The following RGS6 variants were observed in gnomAD, a reference collection of about 807,000 sequenced individuals.
RGS6 encodes the protein regulator of G-protein signaling 6.
A neutral mutation model predicts 78.5 loss-of-function variants in RGS6; 30 were observed. The observed-to-expected ratio is 0.38, with a 90% CI of 0.29 to 0.52. The LOEUF is 0.52. Among genes scored for constraint, RGS6 ranks in the 20% least tolerant of loss-of-function variants. The probability of loss-of-function intolerance (pLI) is 0.85; values close to 1 mark genes in which losing one functional copy is unlikely to be tolerated. For missense variants in RGS6, 495 were observed against 609.7 expected (o/e 0.81, Z 1.98); for synonymous variants, 206 against 206.0 (o/e 1.00, Z 0.00).
Position 72,248,035 on chromosome 14 carries a change from A to C in RGS6, c.85-104060A>C, listed in dbSNP as rs762950735. ...CTGAAGAACTATTAAGCATTCTCTCAGTTGTGTCAGTGAAAGCCATCTCTA... is the reference window on the plus strand; with the variant it reads ...CTGAAGAACTATTAAGCATTCTCTCCGTTGTGTCAGTGAAAGCCATCTCTA... On this transcript the variant is annotated intron_variant, in intron 2 of 17. Coordinates refer to ENST00000553525, the MANE Select transcript of RGS6 (RefSeq NM_001204424.2). Among the ~76,000 whole-genome samples, 6 of 152,218 alleles carry C rather than the reference A, an allele frequency of 3.9e-5. No individual in the cohort carries two copies. In the South Asian group the frequency reaches 1.2e-3, roughly 32 times the overall value.
chr14:72,392,424 C>T (rs936144441), intron 3 of RGS6, among the ~76,000 whole-genome samples: 3 of 152,058 alleles, frequency 2.0e-5, no homozygotes, highest in East Asian at 1.9e-4. Flanking sequence ...GGTCAGTTAT[C>T]GCTGCCTCTC....
chr14:72,149,383 A>G (rs1488732306), intron 2 of RGS6, among the ~76,000 whole-genome samples: 1 of 152,160 alleles, frequency 6.6e-6, no homozygotes, highest in African/African-American at 2.4e-5. Flanking sequence ...GAATTTGACA[A>G]CATGTTTTAA....
At chr14:72,326,705 T>A (rs1462049602) in intron 2 of RGS6, among the ~76,000 whole-genome samples, 1 of 152,130 alleles carries the variant, frequency 6.6e-6, no homozygotes, top group African/African-American at 2.4e-5. Flanking sequence ...GTCTCAGGTA[T>A]TTTTTTCTTT....
chr14:72,555,396 C>T (rs187629525), intron 17 of RGS6, among the ~76,000 whole-genome samples: 2 of 152,258 alleles, frequency 1.3e-5, no homozygotes, highest in Non-Finnish European at 2.9e-5. Context: ...ATGGCACCTC[C>T]TTTCTCTCAG....
At chr14:71,879,499 A>G in the RGS6 span, among the ~76,000 whole-genome samples, 39 of 152,166 alleles carry the variant, frequency 2.6e-4, no homozygotes, top group Non-Finnish European at 4.7e-4. Flanking sequence ...TGTAGCTCCC[A>G]TAATTCCCAT....
chr14:72,386,292 A>G (rs1285678727), intron 3 of RGS6, among the ~76,000 whole-genome samples: 3 of 152,052 alleles, frequency 2.0e-5, no homozygotes, highest in African/African-American at 4.8e-5. Context: ...AATCCTAGCA[A>G]TTTGGGAGGC....
chr14:72,369,959 T>A (rs920295989), intron 3 of RGS6, among the ~76,000 whole-genome samples: 1 of 152,168 alleles, frequency 6.6e-6, no homozygotes, highest in Admixed American at 6.6e-5. Context: ...ATTGCTTTGA[T>A]TTTTTCAGAT....
rs148659127 is a variant in RGS6, at chr14:72,440,601, C to T, written c.185-13927C>T. ...CTAATTTTTGTATTTTTAGTATAGACGGGGTTTCACCATGTTGGCCAGGCT... is the reference window on the plus strand; with the variant it reads ...CTAATTTTTGTATTTTTAGTATAGATGGGGTTTCACCATGTTGGCCAGGCT... On this transcript the variant is annotated intron_variant, in intron 3 of 17. Coordinates refer to ENST00000553525, the MANE Select transcript of RGS6 (RefSeq NM_001204424.2). Among the ~76,000 whole-genome samples the T allele has an allele frequency of 8.6e-3, 1,304 of 151,812 alleles. 10 individuals are homozygous for T. Among genetic ancestry groups the T allele is most frequent in the Middle Eastern group, 0.037 (11 of 294 alleles).
chr14:72,142,391 A>G (rs1258920816), intron 2 of RGS6, among the ~76,000 whole-genome samples: 1 of 152,060 alleles, frequency 6.6e-6, no homozygotes, highest in Non-Finnish European at 1.5e-5. Flanking sequence ...ATGAATTATA[A>G]ATGAAAACTT....
chr14:71,895,940 A>T, the RGS6 span, among the ~76,000 whole-genome samples: 4 of 151,980 alleles, frequency 2.6e-5, no homozygotes, highest in African/African-American at 7.3e-5. Context: ...CTACTCTTTG[A>T]TTTCCAGTCT....
the RGS6 span, among the ~76,000 whole-genome samples, chr14:71,876,057 A>G: frequency 6.6e-6 from 1 of 152,218 alleles, no homozygotes; most frequent in Non-Finnish European, 1.5e-5. Context: ...GGAGTGCTTT[A>G]CTTCCAACTA....
intron 2 of RGS6, among the ~76,000 whole-genome samples, chr14:72,016,161 T>C (rs1203675919): frequency 6.6e-6 from 1 of 152,208 alleles, no homozygotes; most frequent in Admixed American, 6.5e-5. Flanking sequence ...TTCCTATACA[T>C]TCTTTTAAAG....
At chr14:72,032,230 A>C (rs186473631) in intron 2 of RGS6, among the ~76,000 whole-genome samples, 1 of 152,202 alleles carries the variant, frequency 6.6e-6, no homozygotes, top group Non-Finnish European at 1.5e-5. Flanking sequence ...TAAAACTACT[A>C]TTAAGGCTTT....
At chr14:72,606,515 C>G in the RGS6 span, among the ~76,000 whole-genome samples, 1 of 152,176 alleles carries the variant, frequency 6.6e-6, no homozygotes, top group African/African-American at 2.4e-5. Flanking sequence ...ACATCTTATC[C>G]CACTGGTCCC....
chr14:72,220,637 T>G (rs2046654501), intron 2 of RGS6, among the ~76,000 whole-genome samples: 1 of 152,202 alleles, frequency 6.6e-6, no homozygotes. Flanking sequence ...CTGTACTGGC[T>G]ACATGGAATT....
In RGS6 at chr14:72,108,625, T is replaced by A. The variant is rs560487009; in HGVS notation, c.84+143750T>A. ...TCTTTCTTAAGTTCTTTTGATTTTT[T>A]TAAAAAAATTTAATTTCCCCCTTCT... is the stretch of plus-strand genomic sequence containing the variant. On this transcript the variant is annotated intron_variant, in intron 2 of 17. Coordinates refer to ENST00000553525, the MANE Select transcript of RGS6 (RefSeq NM_001204424.2). Among the ~76,000 whole-genome samples the A allele has an allele frequency of 2.1e-4, 32 of 152,146 alleles. 1 individual carries two copies. Among genetic ancestry groups the A allele is most frequent in the Non-Finnish European group, 2.2e-4 (15 of 67,960 alleles).
At chr14:72,513,428 C>T (rs1046638487) in intron 14 of RGS6, among the ~76,000 whole-genome samples, 3 of 152,112 alleles carry the variant, frequency 2.0e-5, no homozygotes, top group Non-Finnish European at 2.9e-5. Context: ...TGACCAGCAG[C>T]GCATTTTGCT....
At chr14:72,431,529 ATTTTAT>A (rs1200716444) in intron 3 of RGS6, among the ~76,000 whole-genome samples, 21 of 60,712 alleles carry the variant, frequency 3.5e-4, no homozygotes, top group Admixed American at 6.8e-4. Flanking sequence ...TGTTTTATTT[ATTTTAT>A]TTTATTTTAT....
intron 17 of RGS6, among the ~76,000 whole-genome samples, chr14:72,552,115 T>A (rs1431686473): frequency 6.6e-6 from 1 of 152,234 alleles, no homozygotes; most frequent in African/African-American, 2.4e-5. Context: ...ATCTTGTGGT[T>A]GAGGGTGGGT....
Sources: allele counts gnomAD v4.1 joint callset (sites outside exome capture counted in the v4.1 genomes callset), GRCh38; gene constraint gnomAD v4.1.1; transcripts MANE v1.5; gene names NCBI Gene and HGNC (gene_info 2026-07-23, HGNC 2026-07-21).